Variants in ZFC3H1 observed in about 807,000 individuals in gnomAD.
ZFC3H1 encodes zinc finger C3H1-type containing, also known as zinc finger C3H1 domain-containing protein.
A neutral mutation model predicts 243.7 loss-of-function variants in ZFC3H1; 71 were observed. The ratio of observed to expected loss-of-function variants is 0.29; its 90% CI spans 0.24 to 0.36. ZFC3H1 has a LOEUF of 0.36. Among genes scored for constraint, ZFC3H1 ranks in the 10% least tolerant of loss-of-function variants. The probability of loss-of-function intolerance (pLI) is 1.00; values close to 1 mark genes in which losing one functional copy is unlikely to be tolerated. For missense variants in ZFC3H1, 1,966 were observed against 2,317.1 expected (o/e 0.85, Z 3.11); for synonymous variants, 838 against 813.0 (o/e 1.03, Z -0.52).
intron 2 of ZFC3H1, among the ~76,000 whole-genome samples, chr12:71,648,579 T>C (rs1187505710): frequency 6.6e-6 from 1 of 152,162 alleles, no homozygotes; most frequent in Non-Finnish European, 1.5e-5. Flanking sequence ...GTCTGGTGTT[T>C]TTACCATAAC....
chr12:71,652,386 T>C (rs1042349618), intron 2 of ZFC3H1, among the ~76,000 whole-genome samples: 2 of 152,180 alleles, frequency 1.3e-5, no homozygotes, highest in Non-Finnish European at 2.9e-5. Context: ...ATTAAAGGCC[T>C]TCCCAATCCA....
Position 71,609,917 on chromosome 12 carries a change from T to C in ZFC3H1, c.*511A>G, listed in dbSNP as rs947638740. ...AGACTTGTGGCCATGGCAGTTACAC[T>C]TTCCTTAAGATGGACTGCTATAGTT... On this transcript the variant is annotated 3_prime_UTR_variant, in exon 35 of 35. Transcript: ENST00000378743. 1 of 152,648 alleles carries C rather than the reference T, an allele frequency of 6.6e-6. No homozygotes were observed. The highest frequency in any genetic ancestry group is 2.4e-5 in the African/African-American group (1 of 41,442). The allele number at this position is 152,648 out of a possible 1,614,324, so 9.5% of individuals were successfully genotyped here. A position where few individuals can be genotyped will look rare whatever the true frequency, so the allele number is the denominator to read the frequency against.
At position 71,663,781 on chromosome 12, in the gene ZFC3H1, T is replaced by C; in HGVS notation, c.-171A>G. On this transcript the variant is annotated 5_prime_UTR_variant, in exon 1 of 35. Transcript: ENST00000378743. ...CCCGCACCCCAGCACCCCAGCTCTC[T>C]CTCGCCGGACCGTCGCAACCCAGTT... 1 of 734,236 alleles carries C rather than the reference T, an allele frequency of 1.4e-6. No individual in the cohort carries two copies. The highest frequency in any genetic ancestry group is 2.2e-6 in the Non-Finnish European group (1 of 457,254). 45.5% of individuals were successfully genotyped at this position (734,236 alleles called of 1,614,324 possible). A position where few individuals can be genotyped will look rare whatever the true frequency, so the allele number is the denominator to read the frequency against.
At chr12:71,623,118 T>A (rs1319623432) in intron 24 of ZFC3H1, among the ~76,000 whole-genome samples, 1 of 152,204 alleles carries the variant, frequency 6.6e-6, no homozygotes, top group Non-Finnish European at 1.5e-5. Flanking sequence ...ACAGATATCC[T>A]TTGCCACAAT....
chr12:71,637,846 A>C (rs1343703172), intron 7 of ZFC3H1, among the ~76,000 whole-genome samples: 2 of 152,312 alleles, frequency 1.3e-5, no homozygotes, highest in East Asian at 3.9e-4. Flanking sequence ...TCAATCTAAA[A>C]ATAATGTCAA....
Position 71,614,600 on chromosome 12 carries a change from G to A in ZFC3H1, c.5461C>T (p.Pro1821Ser), listed in dbSNP as rs1002685129. Residue 1821 changes from proline to serine, a missense_variant, in exon 30 of 35, where the codon CCT becomes TCT. Physicochemically the swap from Pro to Ser is moderately conservative, Grantham distance 74 (BLOSUM62 -1). Around this residue, in one of 4 missense-constraint regions of ZFC3H1, gnomAD observed 1,383 missense variants for 1,723.7 expected, o/e 0.80. Coordinates refer to ENST00000378743, the MANE Select transcript of ZFC3H1 (RefSeq NM_144982.5). The stretch of plus-strand genomic sequence containing the variant: ...CTAAAAGGAATGGGGTATCGGGCAG[G>A]GACTGTAACCAAACATCTATTCACT... ...DLVNRCLVTV[P>S]ARYPIPFSSA... The A allele has an allele frequency of 7.4e-6, 12 of 1,612,934 alleles. No homozygotes were observed. Among genetic ancestry groups the A allele is most frequent in the African/African-American group, 2.7e-5 (2 of 74,776 alleles).
intron 27 of ZFC3H1, among the ~76,000 whole-genome samples, chr12:71,617,270 C>T (rs1405241129): frequency 6.6e-6 from 1 of 152,124 alleles, no homozygotes; most frequent in African/African-American, 2.4e-5. Context: ...TCTCATCTAT[C>T]GTCATTCTCC....
At chr12:71,627,506 C>G (rs1254733287) in intron 21 of ZFC3H1, among the ~76,000 whole-genome samples, 1 of 152,034 alleles carries the variant, frequency 6.6e-6, no homozygotes, top group Admixed American at 6.6e-5. Flanking sequence ...GAAATAAGAG[C>G]CTACTGGAGT....
At chr12:71,635,952 C>G (rs976503064) in intron 9 of ZFC3H1, among the ~76,000 whole-genome samples, 4 of 152,128 alleles carry the variant, frequency 2.6e-5, no homozygotes, top group East Asian at 3.9e-4. Context: ...ATTGCCAAAA[C>G]TGGCTTACCT....
intron 27 of ZFC3H1, among the ~76,000 whole-genome samples, chr12:71,618,177 A>G (rs181618971): frequency 6.6e-6 from 1 of 151,970 alleles, no homozygotes; most frequent in African/African-American, 2.4e-5. Context: ...AGGCAGGAGA[A>G]TTGCTTGAAC....
chr12:71,639,911 T>TA (rs1193908162), intron 6 of ZFC3H1, among the ~76,000 whole-genome samples: 1 of 152,246 alleles, frequency 6.6e-6, no homozygotes, highest in Non-Finnish European at 1.5e-5. Context: ...ACTATGCTCT[T>TA]GATTCTGTGT....
chr12:71,646,079 T>C (rs1046038218), intron 3 of ZFC3H1, among the ~76,000 whole-genome samples: 5 of 152,198 alleles, frequency 3.3e-5, no homozygotes, highest in Non-Finnish European at 5.9e-5. Context: ...TCTCCTAAAA[T>C]CCAATTAAAT....
intron 27 of ZFC3H1, among the ~76,000 whole-genome samples, chr12:71,615,592 T>C (rs888803670): frequency 7.9e-5 from 12 of 152,190 alleles, no homozygotes; most frequent in Admixed American, 1.3e-4. Context: ...TCTCAGCTCA[T>C]TGCAACCTCC....
chr12:71,651,651 T>A (rs1349436232), intron 2 of ZFC3H1, among the ~76,000 whole-genome samples: 2 of 152,144 alleles, frequency 1.3e-5, no homozygotes, highest in African/African-American at 4.8e-5. Context: ...AATAAGGCAA[T>A]GAGAAGTAAA....
rs777577016 is a variant in ZFC3H1 at position 71,631,782 on chromosome 12, A to G, written c.3466T>C (p.Tyr1156His). ...TATTGAATCTTTCTTTTATACCTGT[A>G]GGACTTAAAAACTAGAAGAGGACTA... ...YHSPLLVFKS[Y>H]RFSPYYRTKE... The change falls in exon 16 of 35, where the codon TAC (tyrosine) becomes CAC (histidine). Residue 1156 changes from tyrosine to histidine, a missense_variant. This residue lies in a region of ZFC3H1 where 1,383 missense variants were observed against 1,723.7 expected (regional missense o/e 0.80). Transcript: ENST00000378743. The G allele has an allele frequency of 6.2e-7, 1 of 1,603,876 alleles. No homozygotes were observed. The highest frequency in any genetic ancestry group is 1.7e-5 in the Admixed American group (1 of 57,722).
intron 18 of ZFC3H1, among the ~76,000 whole-genome samples, chr12:71,630,005 A>G (rs1880282597): frequency 6.6e-6 from 1 of 152,178 alleles, no homozygotes; most frequent in Admixed American, 6.5e-5. Flanking sequence ...GTGACATTAC[A>G]ATCACTCTGG....
Position 71,614,551 on chromosome 12 carries a change from T to C in ZFC3H1, c.5510A>G (p.Tyr1837Cys). ...AGTTCTTACCCTATTATGAAATTCATAGTTGGACCAGTAATCAGCACTGCT... is the reference window on the plus strand; with the variant it reads ...AGTTCTTACCCTATTATGAAATTCACAGTTGGACCAGTAATCAGCACTGCT... ...PFSSADYWSNYEFHNRVIFFY... is the reference protein window; with the variant it reads ...PFSSADYWSNCEFHNRVIFFY... Residue 1837 changes from tyrosine (Y) to cysteine (C), a missense_variant, in exon 30 of 35, where the codon TAT (tyrosine) becomes TGT (cysteine). Physicochemically the swap from Tyr to Cys is radical, Grantham distance 194. Coordinates refer to ENST00000378743, the MANE Select transcript of ZFC3H1 (RefSeq NM_144982.5). The C allele has an allele frequency of 1.9e-6, 3 of 1,591,718 alleles. No homozygotes were observed. Among genetic ancestry groups the C allele is most frequent in the Non-Finnish European group, 2.6e-6 (3 of 1,172,486 alleles).
Position 71,631,803 on chromosome 12 carries a change from G to A in ZFC3H1, c.3445C>T (p.Pro1149Ser). 1 of 1,611,982 alleles carries A rather than the reference G, an allele frequency of 6.2e-7. No individual in the cohort carries two copies. Among genetic ancestry groups the A allele is most frequent in the Non-Finnish European group, 8.5e-7 (1 of 1,179,236 alleles). The change falls in exon 16 of 35, where the codon CCT becomes TCT. Residue 1149 changes from proline (P) to serine (S), a missense_variant. By Grantham distance (74) the Pro-to-Ser change is moderately conservative. Transcript: ENST00000378743. ...CTGTAGGACTTAAAAACTAGAAGAG[G>A]ACTATGGTAGGGTCTAAAAGGACAT... ...KPCPFRPYHS[P>S]LLVFKSYRFS...
At chr12:71,662,558 A>T (rs1405041526) in intron 1 of ZFC3H1, among the ~76,000 whole-genome samples, 5 of 151,544 alleles carry the variant, frequency 3.3e-5, no homozygotes, top group Admixed American at 3.3e-4. Context: ...GAATCACAAA[A>T]ATAGTGCAGG....
Sources: gnomAD v4.1 joint callset for allele counts (sites outside exome capture counted in the v4.1 genomes callset) on GRCh38, gnomAD v4.1.1 for gene constraint, gnomAD v4.1.1 regional missense constraint, MANE v1.5 for transcripts, NCBI Gene and HGNC (gene_info 2026-07-23, HGNC 2026-07-21) for gene names.